ARHGAP6: variants seen among roughly 807,000 people sequenced by gnomAD.
ARHGAP6 encodes Rho GTPase activating protein 6, also known as rho GTPase-activating protein 6.
Under a neutral mutation model 55.7 loss-of-function variants are expected in ARHGAP6, and 16 were observed. The ratio of observed to expected loss-of-function variants is 0.29; its 90% CI spans 0.19 to 0.44. The LOEUF (loss-of-function observed/expected upper bound fraction) is 0.44, where lower values mean the gene tolerates loss of function less well. ARHGAP6 is among the 20% of genes least tolerant of loss of function. The pLI is 1.00. For missense variants in ARHGAP6, 698 were observed against 808.9 expected (o/e 0.86, Z 1.66); for synonymous variants, 382 against 360.9 (o/e 1.06, Z -0.66).
At chrX:11,442,908 G>C (rs997901403) in intron 1 of ARHGAP6, among the ~76,000 whole-genome samples, 1 of 112,243 alleles carries the variant, frequency 8.9e-6, no homozygotes, top group Non-Finnish European at 1.9e-5. Flanking sequence ...AACTGGCTGA[G>C]AGCAATGCTG....
rs184854327 is a variant in ARHGAP6 at position 11,352,317 on chromosome X, G to T, written c.589-97610C>A. ...AGCAGATTGTAATCTGCTAGGAGAT[G>T]AAAGATATTCACTGCCTGGGAGCCT... On this transcript the variant is annotated intron_variant, in intron 1 of 12. Coordinates refer to ENST00000337414, the MANE Select transcript of ARHGAP6 (RefSeq NM_013427.3). Among the ~76,000 whole-genome samples the T allele has an allele frequency of 5.3e-5, 6 of 112,249 alleles. No individual in the cohort carries two copies. The East Asian group carries it at 1.7e-3, about 31-fold the overall frequency.
At chrX:11,172,276 C>CAAAG (rs764920102) in intron 8 of ARHGAP6, among the ~76,000 whole-genome samples, 2 of 111,937 alleles carry the variant, frequency 1.8e-5, no homozygotes, top group East Asian at 5.6e-4. Context: ...CTGACAATTT[C>CAAAG]AAAGAAAGTG....
chrX:11,340,779 C>G (rs1451746837), intron 1 of ARHGAP6, among the ~76,000 whole-genome samples: 1 of 110,961 alleles, frequency 9.0e-6, no homozygotes, highest in African/African-American at 3.3e-5. Context: ...AGAAATATTT[C>G]TGTTCTTTAC....
intron 1 of ARHGAP6, among the ~76,000 whole-genome samples, chrX:11,577,262 G>C (rs1017965051): frequency 1.8e-5 from 2 of 112,156 alleles, no homozygotes; most frequent in Non-Finnish European, 3.8e-5. Flanking sequence ...GTTGGTAGGG[G>C]AGTGAGAGGC....
At chrX:11,516,337 C>T (rs1405351734) in intron 1 of ARHGAP6, among the ~76,000 whole-genome samples, 2 of 111,851 alleles carry the variant, frequency 1.8e-5, no homozygotes, top group Non-Finnish European at 3.8e-5. Flanking sequence ...GTGCAACCAT[C>T]ATCATCGTCT....
rs181262474 is a variant in ARHGAP6 at position 11,450,325 on chromosome X, G to A, written c.589-195618C>T. 2.3e-3 allele frequency among the ~76,000 whole-genome samples: 255 copies of A among 111,284 alleles called. 1 individual carries two copies. The highest frequency in any genetic ancestry group is 0.019 in the Middle Eastern group (4 of 214). The stretch of plus-strand genomic sequence containing the variant: ...ATCCTATAAAAAAACAGCTTGTTGG[G>A]CTTGCAGCCCCGTCAACATATGGTG... On this transcript the variant is annotated intron_variant, in intron 1 of 12. Coordinates refer to ENST00000337414, the MANE Select transcript of ARHGAP6 (RefSeq NM_013427.3).
At chrX:11,320,651 G>A (rs1164929368) in intron 1 of ARHGAP6, among the ~76,000 whole-genome samples, 1 of 110,135 alleles carries the variant, frequency 9.1e-6, no homozygotes, top group East Asian at 2.8e-4. Context: ...ACAACCTATT[G>A]TGAATGGCTT....
intron 1 of ARHGAP6, among the ~76,000 whole-genome samples, chrX:11,352,518 A>G (rs774179070): frequency 8.9e-6 from 1 of 112,127 alleles, no homozygotes; most frequent in Non-Finnish European, 1.9e-5. Flanking sequence ...GATCTCCCAT[A>G]TCTGAGGCCT....
At chrX:11,391,395 A>G (rs770094798) in intron 1 of ARHGAP6, among the ~76,000 whole-genome samples, 1 of 111,011 alleles carries the variant, frequency 9.0e-6, no homozygotes, top group East Asian at 2.8e-4. Flanking sequence ...GCACAGAAAC[A>G]TGGCACATGT....
intron 3 of ARHGAP6, among the ~76,000 whole-genome samples, chrX:11,194,228 A>G (rs1466310648): frequency 8.9e-6 from 1 of 112,572 alleles, no homozygotes; most frequent in Non-Finnish European, 1.9e-5. Context: ...GGGCACAAAC[A>G]TATCAACAAT....
chrX:11,355,775 A>G, intron 1 of ARHGAP6, among the ~76,000 whole-genome samples: 1 of 111,598 alleles, frequency 9.0e-6, no homozygotes, highest in Non-Finnish European at 1.9e-5. Flanking sequence ...AATGAGTGAT[A>G]TGAGGAAGAG....
intron 1 of ARHGAP6, among the ~76,000 whole-genome samples, chrX:11,475,732 C>T (rs1188243235): frequency 4.7e-5 from 5 of 107,412 alleles, no homozygotes; most frequent in African/African-American, 6.7e-5. Flanking sequence ...ATTTGATACA[C>T]TTCATCAAAT....
At chrX:11,193,648 G>T (rs1450327605) in intron 3 of ARHGAP6, among the ~76,000 whole-genome samples, 1 of 112,056 alleles carries the variant, frequency 8.9e-6, no homozygotes, top group African/African-American at 3.2e-5. Flanking sequence ...CTTTTCTTTG[G>T]AACCACCAGG....
chrX:11,276,614 ACCAAATGCAGGTATGACGTGAAAACAAG>A (rs771191994), intron 1 of ARHGAP6, among the ~76,000 whole-genome samples: 20 of 112,071 alleles, frequency 1.8e-4, no homozygotes, highest in Admixed American at 3.8e-4. Context: ...GAAGTATGAC[ACCAAATGCAGGTATGACGTGAAAACAAG>A]CCATCTGCAC....
intron 1 of ARHGAP6, among the ~76,000 whole-genome samples, chrX:11,322,239 T>C (rs1397641438): frequency 8.9e-6 from 1 of 112,073 alleles, no homozygotes; most frequent in Non-Finnish European, 1.9e-5. Context: ...GTGGGATGTT[T>C]AGCAGCATCC....
At chrX:11,161,383 T>C (rs2045941958) in intron 9 of ARHGAP6, among the ~76,000 whole-genome samples, 1 of 110,160 alleles carries the variant, frequency 9.1e-6, no homozygotes, top group Non-Finnish European at 1.9e-5. Flanking sequence ...GGTAGACCAC[T>C]GACTTAAGCA....
chrX:11,451,961 G>A (rs182516779), intron 1 of ARHGAP6, among the ~76,000 whole-genome samples: 4 of 111,762 alleles, frequency 3.6e-5, no homozygotes, highest in East Asian at 5.6e-4. Flanking sequence ...CCACAATTAC[G>A]TATCAACCCC....
intron 1 of ARHGAP6, among the ~76,000 whole-genome samples, chrX:11,389,664 AG>A (rs1191080117): frequency 8.9e-6 from 1 of 112,553 alleles, no homozygotes; most frequent in African/African-American, 3.2e-5. Flanking sequence ...ATACATTTGT[AG>A]GGGAAAAAAA....
In ARHGAP6 at chrX:11,139,226, C is replaced by T; in HGVS notation, c.2562G>A (p.Leu854=). The part of the protein sequence containing the change: ...SGAHDLSESE[L]DVAGLQSRAT... ...CCCGGCTCTGCAGCCCGGCCACATC[C>T]AGCTCACTCTCGCTGAGGTCGTGGG... is the stretch of plus-strand genomic sequence containing the variant. Residue 854 remains leucine (L), a synonymous_variant, in exon 13 of 13, where the codon CTG becomes CTA. Transcript: ENST00000337414. 1 of 1,202,226 alleles carries T rather than the reference C, an allele frequency of 8.3e-7. No homozygotes were observed. Among genetic ancestry groups the T allele is most frequent in the Non-Finnish European group, 1.1e-6 (1 of 891,620 alleles).
Sources: allele counts gnomAD v4.1 joint callset (sites outside exome capture counted in the v4.1 genomes callset), GRCh38; gene constraint gnomAD v4.1.1; transcripts MANE v1.5; gene names NCBI Gene and HGNC (gene_info 2026-07-23, HGNC 2026-07-21).